GLG1: variants seen among roughly 807,000 people sequenced by gnomAD.
The protein encoded by GLG1 is Golgi apparatus protein 1.
A neutral mutation model predicts 160.5 loss-of-function variants in GLG1; 38 were observed. The ratio of observed to expected loss-of-function variants is 0.24; its 90% CI spans 0.18 to 0.31. GLG1 has a LOEUF of 0.31. GLG1 is among the 10% of genes least tolerant of loss of function. The pLI, the probability that GLG1 is intolerant of heterozygous loss-of-function variation, is 1.00. For synonymous variants in GLG1, 644 were observed against 543.4 expected (o/e 1.19, Z -2.57); for missense variants, 1,373 against 1,505.2 (o/e 0.91, Z 1.45).
At chr16:74,546,382 T>C (rs944223266) in intron 1 of GLG1, among the ~76,000 whole-genome samples, 13 of 151,912 alleles carry the variant, frequency 8.6e-5, no homozygotes, top group Admixed American at 2.6e-4. Context: ...GAGATAGAGA[T>C]TGCAGTAAGC....
At chr16:74,499,232 GTTT>G (rs1354364861) in intron 4 of GLG1, among the ~76,000 whole-genome samples, 1 of 128,780 alleles carries the variant, frequency 7.8e-6, no homozygotes, top group Non-Finnish European at 1.7e-5. Flanking sequence ...TGTTGTTGTT[GTTT>G]AACTTTCATT....
chr16:74,490,798 G>A (rs1471312245), intron 8 of GLG1, among the ~76,000 whole-genome samples: 1 of 152,140 alleles, frequency 6.6e-6, no homozygotes, highest in Non-Finnish European at 1.5e-5. Context: ...TTGATTATGA[G>A]CTCAAACTTT....
At chr16:74,547,650 T>G (rs1411488893) in intron 1 of GLG1, among the ~76,000 whole-genome samples, 1 of 152,270 alleles carries the variant, frequency 6.6e-6, no homozygotes, top group Non-Finnish European at 1.5e-5. Flanking sequence ...GTGCTTTGAA[T>G]TTGAGCTATG....
chr16:74,480,054 T>C lies in GLG1; in HGVS notation c.1827+187A>G, dbSNP rs575368971. ...TTGTTAAAAACATAAAATCAGATGATAGAAGCTGGTAGGGCAACTCTAAGT... is the reference window on the plus strand; with the variant it reads ...TTGTTAAAAACATAAAATCAGATGACAGAAGCTGGTAGGGCAACTCTAAGT... On this transcript the variant is annotated intron_variant, in intron 11 of 25. Transcript: ENST00000422840. Among the ~76,000 whole-genome samples, 12 of 152,176 alleles carry C rather than the reference T, an allele frequency of 7.9e-5. No homozygotes were observed. The South Asian group carries it at 8.3e-4, about 11-fold the overall frequency.
At chr16:74,542,378 C>G (rs2017894595) in intron 1 of GLG1, among the ~76,000 whole-genome samples, 1 of 152,004 alleles carries the variant, frequency 6.6e-6, no homozygotes, top group South Asian at 2.1e-4. Context: ...AAGAAGAAAA[C>G]TAGACTAGGC....
chr16:74,473,845 T>C (rs1420534783), intron 13 of GLG1, among the ~76,000 whole-genome samples: 1 of 152,126 alleles, frequency 6.6e-6, no homozygotes, highest in Admixed American at 6.6e-5. Context: ...TTTTATGTTC[T>C]GAAACACACA....
intron 2 of GLG1, among the ~76,000 whole-genome samples, chr16:74,509,136 T>C (rs974240732): frequency 1.3e-5 from 2 of 150,666 alleles, no homozygotes; most frequent in Non-Finnish European, 3.0e-5. Context: ...TATTCAGATA[T>C]ATTTTTGTCG....
chr16:74,472,170 G>C (rs1192686877), intron 14 of GLG1, among the ~76,000 whole-genome samples, 179 bp downstream of exon 14: 1 of 152,148 alleles, frequency 6.6e-6, no homozygotes, highest in Non-Finnish European at 1.5e-5. Flanking sequence ...AAAGTGCTGG[G>C]ATTACAGGTA....
Position 74,471,263 on chromosome 16 carries a change from G to A in GLG1, c.2139C>T (p.Asp713=), listed in dbSNP as rs770991839. The A allele has an allele frequency of 5.3e-5, 85 of 1,598,440 alleles. No homozygotes were observed. The highest frequency in any genetic ancestry group is 7.0e-5 in the Non-Finnish European group (82 of 1,165,916). The change falls in exon 15 of 26, where the codon GAC becomes GAT. Residue 713 remains aspartate (D), a synonymous_variant. Transcript: ENST00000422840. ...TCAGACACTCCATCAGGTCCCCAGA[G>A]TCTATCTGGTTATCTGCCACATCCT... is the stretch of plus-strand genomic sequence containing the variant. ...FCHDVADNQI[D]SGDLMECLIQ...
At chr16:74,528,811 C>CTAAAA (rs1555513290) in intron 2 of GLG1, among the ~76,000 whole-genome samples, 1 of 62,794 alleles carries the variant, frequency 1.6e-5, no homozygotes, top group Non-Finnish European at 2.6e-5. Flanking sequence ...GATTCTGTCT[C>CTAAAA]AAAAAAAAAA....
At chr16:74,599,526 C>A (rs1213530076) in intron 1 of GLG1, among the ~76,000 whole-genome samples, 1 of 152,178 alleles carries the variant, frequency 6.6e-6, no homozygotes, top group Non-Finnish European at 1.5e-5. Context: ...CAAGACCAGC[C>A]TGGCCAACAT....
Position 74,462,549 on chromosome 16 carries a change from T to A in GLG1, c.2873A>T (p.Lys958Met), listed in dbSNP as rs774954893. Reference protein sequence around the residue: ...KFCHGILTKAKDDSELEGQVI... With the variant: ...KFCHGILTKAMDDSELEGQVI... Reference sequence around the variant, plus strand: ...TTGTCCTTCTAATTCTGAATCATCCTTGGCCTTAGTCAGGATACCGTGACA... The same window carrying A: ...TTGTCCTTCTAATTCTGAATCATCCATGGCCTTAGTCAGGATACCGTGACA... The change falls in exon 21 of 26, where the codon AAG becomes ATG. Residue 958 changes from lysine to methionine, a missense_variant. Physicochemically the swap from Lys to Met is moderately conservative, Grantham distance 95. Transcript: ENST00000422840. 1.2e-6 allele frequency: 2 copies of A among 1,613,886 alleles called. No homozygotes were observed. Among genetic ancestry groups the A allele is most frequent in the Non-Finnish European group, 1.7e-6 (2 of 1,179,724 alleles).
At chr16:74,567,211 C>CAGAGAGAG (rs199518297) in intron 1 of GLG1, among the ~76,000 whole-genome samples, 2 of 147,232 alleles carry the variant, frequency 1.4e-5, no homozygotes, top group East Asian at 2.0e-4. Context: ...GAGAGAGAGA[C>CAGAGAGAG]AGAGAGAGAG....
intron 1 of GLG1, among the ~76,000 whole-genome samples, chr16:74,555,274 T>C (rs1415811041): frequency 1.3e-5 from 2 of 152,148 alleles, no homozygotes; most frequent in South Asian, 2.1e-4. Flanking sequence ...CTGTCCTAGA[T>C]TGACAGAACA....
At chr16:74,467,901 C>A in intron 17 of GLG1, 53 bp from the exon 18 acceptor site, 2 of 1,202,932 alleles carry the variant, frequency 1.7e-6, no homozygotes, top group South Asian at 2.5e-5. Context: ...CTGGAGATGT[C>A]ATATGTTCTG....
At chr16:74,516,522 A>C (rs1362183293) in intron 2 of GLG1, among the ~76,000 whole-genome samples, 1 of 152,230 alleles carries the variant, frequency 6.6e-6, no homozygotes, top group Non-Finnish European at 1.5e-5. Context: ...ACAAAGACAC[A>C]ACACACCAGA....
At chr16:74,480,490 A>G (rs1311433812) in intron 10 of GLG1, 96 bp from the exon 11 acceptor site, 2 of 754,154 alleles carry the variant, frequency 2.7e-6, no homozygotes, top group Non-Finnish European at 4.4e-6. Context: ...TTGTATACTC[A>G]TTGATAATCA....
intron 1 of GLG1, among the ~76,000 whole-genome samples, chr16:74,545,017 C>G (rs2018007896): frequency 8.8e-6 from 1 of 113,898 alleles, no homozygotes; most frequent in South Asian, 3.3e-4. Flanking sequence ...GCCTCAACTT[C>G]AGGAATAAGT....
At chr16:74,578,272 G>A (rs1234155699) in intron 1 of GLG1, among the ~76,000 whole-genome samples, 3 of 152,122 alleles carry the variant, frequency 2.0e-5, no homozygotes, top group Non-Finnish European at 2.9e-5. Flanking sequence ...AAAGCTTTTT[G>A]TAGAACTCAG....
Sources: gnomAD v4.1 joint callset for allele counts (sites outside exome capture counted in the v4.1 genomes callset) on GRCh38, gnomAD v4.1.1 for gene constraint, MANE v1.5 for transcripts, NCBI Gene and HGNC (gene_info 2026-07-23, HGNC 2026-07-21) for gene names.